FAM241A: variants seen among roughly 807,000 people sequenced by gnomAD.
The protein encoded by FAM241A is family with sequence similarity 241 member A, also known as uncharacterized protein FAM241A.
A neutral mutation model predicts 12.2 loss-of-function variants in FAM241A; 7 were observed. That is an observed-to-expected ratio of 0.58 (90% CI 0.33 to 1.08). FAM241A has a LOEUF of 1.08. Among genes scored for constraint, FAM241A ranks in the 50% least tolerant of loss-of-function variants. The pLI, the probability that FAM241A is intolerant of heterozygous loss-of-function variation, is 0.04. For missense variants in FAM241A, 161 were observed against 169.7 expected (o/e 0.95, Z 0.29); for synonymous variants, 74 against 68.2 (o/e 1.08, Z -0.42).
At chr4:112,181,639 T>A (rs771863314) in intron 1 of FAM241A, among the ~76,000 whole-genome samples, 2 of 152,168 alleles carry the variant, frequency 1.3e-5, no homozygotes, top group Non-Finnish European at 2.9e-5. Flanking sequence ...GAGTTGAAGC[T>A]TAAGCTAAGA....
At position 112,191,404 on chromosome 4, in the gene FAM241A, C is replaced by T. The variant is rs1323824235; in HGVS notation, c.*4466C>T. On this transcript the variant is annotated 3_prime_UTR_variant, in exon 2 of 2. Coordinates refer to ENST00000309733, the MANE Select transcript of FAM241A (RefSeq NM_152400.3). ...ATTATTCTAACATGATTCTGATATC[C>T]TTGACCTAAATCTTTTCAATGGCTT... The T allele has an allele frequency of 6.6e-6, 1 of 152,138 alleles. No homozygotes were observed. Among genetic ancestry groups the T allele is most frequent in the Non-Finnish European group, 1.5e-5 (1 of 68,014 alleles). The allele number at this position is 152,138 out of a possible 1,614,324, so 9.4% of individuals were successfully genotyped here. A position where few individuals can be genotyped will look rare whatever the true frequency, so the allele number is the denominator to read the frequency against.
At chr4:112,152,458 A>G (rs772652737) in intron 1 of FAM241A, among the ~76,000 whole-genome samples, 41 of 152,222 alleles carry the variant, frequency 2.7e-4, no homozygotes, top group Non-Finnish European at 5.3e-4. Flanking sequence ...ATTCCAATAG[A>G]TAGGTTAAAA....
intron 1 of FAM241A, among the ~76,000 whole-genome samples, chr4:112,157,438 TAGATAA>T (rs1407522832): frequency 2.0e-5 from 3 of 152,094 alleles, no homozygotes; most frequent in Non-Finnish European, 2.9e-5. Flanking sequence ...TTATTCTAAA[TAGATAA>T]AGATAATTTA....
intron 1 of FAM241A, among the ~76,000 whole-genome samples, chr4:112,163,173 G>T (rs959176181): frequency 2.0e-5 from 3 of 152,170 alleles, no homozygotes; most frequent in East Asian, 3.8e-4. Context: ...ATGGATTAAA[G>T]ACTTAAATAT....
intron 1 of FAM241A, among the ~76,000 whole-genome samples, chr4:112,180,657 A>C (rs919629406): frequency 5.9e-5 from 9 of 152,140 alleles, no homozygotes; most frequent in African/African-American, 2.2e-4. Flanking sequence ...TAAAAAAAAA[A>C]CTTTTTTTCA....
chr4:112,171,314 G>A (rs982237204), intron 1 of FAM241A: 1 of 754,300 alleles, frequency 1.3e-6, no homozygotes, highest in African/African-American at 1.7e-5. Flanking sequence ...AGGATTCTCT[G>A]TATGCCCAGG....
At chr4:112,147,354 C>A (rs1723161014) in intron 1 of FAM241A, among the ~76,000 whole-genome samples, 1 of 152,002 alleles carries the variant, frequency 6.6e-6, no homozygotes, top group Non-Finnish European at 1.5e-5. Flanking sequence ...TATTCTAAGC[C>A]CCCATACACA....
chr4:112,170,968 G>A (rs1723707100), intron 1 of FAM241A, among the ~76,000 whole-genome samples: 2 of 150,880 alleles, frequency 1.3e-5, no homozygotes, highest in Non-Finnish European at 2.9e-5. Flanking sequence ...CTTTTCTTCT[G>A]GGGGTAGGAA....
rs988151224 is a variant in FAM241A, at chr4:112,145,606, G to A, written c.26G>A (p.Arg9Gln). The change falls in exon 1 of 2, where the codon CGG (arginine) becomes CAG (glutamine). Residue 9 changes from arginine (R) to glutamine (Q), a missense_variant. By Grantham distance (43) the Arg-to-Gln change is conservative. Coordinates refer to ENST00000309733, the MANE Select transcript of FAM241A (RefSeq NM_152400.3). ...ATGTGCTCAGCCGGGGAGCTGCTGC[G>A]GGGCGGCGACGGCGGGGAACGCGAC... MCSAGELL[R>Q]GGDGGERDED... 1.6e-6 allele frequency: 2 copies of A among 1,240,776 alleles called. No homozygotes were observed. The highest frequency in any genetic ancestry group is 3.1e-5 in the African/African-American group (2 of 64,662). The allele number at this position is 1,240,776 out of a possible 1,614,324, so 76.9% of individuals were successfully genotyped here. A position where few individuals can be genotyped will look rare whatever the true frequency, so the allele number is the denominator to read the frequency against.
intron 1 of FAM241A, among the ~76,000 whole-genome samples, chr4:112,169,167 G>A (rs950252351): frequency 5.9e-5 from 9 of 152,156 alleles, no homozygotes; most frequent in Non-Finnish European, 1.2e-4. Flanking sequence ...TTCAACAGAT[G>A]CTGGCCAAAC....
At chr4:112,164,562 C>G (rs531849716) in intron 1 of FAM241A, among the ~76,000 whole-genome samples, 1 of 151,992 alleles carries the variant, frequency 6.6e-6, no homozygotes, top group Non-Finnish European at 1.5e-5. Flanking sequence ...CAAACCTGCA[C>G]GTTGTGCACA....
Position 112,194,892 on chromosome 4 carries a change from GT to G in FAM241A, c.*7955del, listed in dbSNP as rs1724237588. ...CCTCCCAGGTTTAAGCAATTCTCCT[GT>G]CTCAGCAGGAGTGGTTGGGATTACA... is the stretch of plus-strand genomic sequence containing the variant. On this transcript the variant is annotated 3_prime_UTR_variant, in exon 2 of 2. Coordinates refer to ENST00000309733, the MANE Select transcript of FAM241A (RefSeq NM_152400.3). 1 of 152,244 alleles carries G rather than the reference GT, an allele frequency of 6.6e-6. No individual in the cohort carries two copies. Among genetic ancestry groups the G allele is most frequent in the Admixed American group, 6.5e-5 (1 of 15,280 alleles). The allele number at this position is 152,244 out of a possible 1,614,324, so 9.4% of individuals were successfully genotyped here. A position where few individuals can be genotyped will look rare whatever the true frequency, so the allele number is the denominator to read the frequency against.
chr4:112,178,390 A>G (rs917489626), intron 1 of FAM241A, among the ~76,000 whole-genome samples: 1 of 152,162 alleles, frequency 6.6e-6, no homozygotes, highest in Non-Finnish European at 1.5e-5. Context: ...GGTGAAAGGT[A>G]GGGATCCAGT....
At chr4:112,146,131 G>C (rs541695226) in intron 1 of FAM241A, among the ~76,000 whole-genome samples, 2 of 152,320 alleles carry the variant, frequency 1.3e-5, no homozygotes, top group Non-Finnish European at 2.9e-5. Context: ...AGGTTTAGGA[G>C]ACGCCGGCTC....
intron 1 of FAM241A, among the ~76,000 whole-genome samples, chr4:112,153,659 C>T (rs559572342): frequency 1.1e-4 from 17 of 152,238 alleles, no homozygotes; most frequent in Admixed American, 9.2e-4. Context: ...GTGTTTCCCC[C>T]GGCACCGCCC....
chr4:112,154,212 T>G (rs914832259), intron 1 of FAM241A, among the ~76,000 whole-genome samples: 1 of 152,132 alleles, frequency 6.6e-6, no homozygotes, highest in Non-Finnish European at 1.5e-5. Flanking sequence ...TCAGGAGAGA[T>G]ATTTGATTTT....
intron 1 of FAM241A, among the ~76,000 whole-genome samples, chr4:112,149,815 A>AT (rs908899967): frequency 3.3e-5 from 5 of 151,396 alleles, no homozygotes; most frequent in African/African-American, 4.8e-5. Context: ...CTTTTTAGTC[A>AT]TTTTTTTTCT....
rs1041366464 is a variant in FAM241A at position 112,194,699 on chromosome 4, C to G, written c.*7761C>G. 2 of 152,078 alleles carry G rather than the reference C, an allele frequency of 1.3e-5. No homozygotes were observed. The highest frequency in any genetic ancestry group is 2.9e-5 in the Non-Finnish European group (2 of 68,042). The allele number at this position is 152,078 out of a possible 1,614,324, so 9.4% of individuals were successfully genotyped here. Reference sequence around the variant, plus strand: ...CAGCCTTGCATCCCAGGGATGAAGCCCACTTGAACATGGTGGATAAGCTTT... The same window carrying G: ...CAGCCTTGCATCCCAGGGATGAAGCGCACTTGAACATGGTGGATAAGCTTT... On this transcript the variant is annotated 3_prime_UTR_variant, in exon 2 of 2. Coordinates refer to ENST00000309733, the MANE Select transcript of FAM241A (RefSeq NM_152400.3).
intron 1 of FAM241A, among the ~76,000 whole-genome samples, chr4:112,159,344 C>T (rs74782702): frequency 0.03 from 4,501 of 152,246 alleles, 181 homozygotes; most frequent in East Asian, 0.16. Flanking sequence ...TTTGCTCCTA[C>T]TGTAAGCAAA....
Sources: allele counts gnomAD v4.1 joint callset (sites outside exome capture counted in the v4.1 genomes callset), GRCh38; gene constraint gnomAD v4.1.1; transcripts MANE v1.5; gene names NCBI Gene and HGNC (gene_info 2026-07-23, HGNC 2026-07-21).